NAA16: variants seen among roughly 807,000 people sequenced by gnomAD.
The protein encoded by NAA16 is NARG1-like protein.
NAA16 carries 97 observed loss-of-function variants against 110.3 expected under a neutral mutation model. The ratio of observed to expected loss-of-function variants is 0.88; its 90% CI spans 0.75 to 1.04. NAA16 has a LOEUF of 1.04. Ranked by LOEUF, NAA16 falls within the 50% of genes least tolerant of loss-of-function variation. The pLI, the probability that NAA16 is intolerant of heterozygous loss-of-function variation, is 0.00. For missense variants in NAA16, 1,017 were observed against 1,005.1 expected, an observed-to-expected ratio of 1.01 and a Z score of -0.16; for synonymous variants, 372 against 330.6, an observed-to-expected ratio of 1.13 and a Z score of -1.36.
intron 9 of NAA16, among the ~76,000 whole-genome samples, chr13:41,343,025 G>A (rs1162467335): frequency 6.6e-6 from 1 of 152,144 alleles, no homozygotes; most frequent in Non-Finnish European, 1.5e-5. Flanking sequence ...TAAAAAATGG[G>A]AGGGAAGCCC....
intron 19 of NAA16, 50 bp downstream of exon 19, chr13:41,374,889 A>T: frequency 8.9e-7 from 1 of 1,125,394 alleles, no homozygotes; most frequent in Non-Finnish European, 1.3e-6. Context: ...GATCTAACAA[A>T]ACGTGTCTTT....
At chr13:41,329,080 G>A (rs1425758254) in intron 7 of NAA16, among the ~76,000 whole-genome samples, 1 of 151,682 alleles carries the variant, frequency 6.6e-6, no homozygotes, top group African/African-American at 2.4e-5. Flanking sequence ...TGGAAGGTGA[G>A]GCAAAAATAA....
At chr13:41,311,823 G>T (rs952366392) in intron 1 of NAA16, among the ~76,000 whole-genome samples, 9 of 152,190 alleles carry the variant, frequency 5.9e-5, no homozygotes, top group African/African-American at 2.2e-4. Flanking sequence ...CCCCCGCCGC[G>T]CTCTTTCCAG....
At position 41,318,824 on chromosome 13, in the gene NAA16, G is replaced by C. The variant is rs2041873779; in HGVS notation, c.158G>C (p.Gly53Ala). The change falls in exon 3 of 20, where the codon GGA (glycine) becomes GCA (alanine). Residue 53 changes from glycine to alanine, a missense_variant. Physicochemically the swap from Gly to Ala is moderately conservative, Grantham distance 60. Transcript: ENST00000379406. ...TTTTCAGAGACTTTGGCTATGAAAG[G>C]ATTAACACTGAACTGTTTAGGAAAA... ...AEHGETLAMK[G>A]LTLNCLGKKE... 1 of 1,575,130 alleles carries C rather than the reference G, an allele frequency of 6.3e-7. No individual in the cohort carries two copies. Among genetic ancestry groups the C allele is most frequent in the Admixed American group, 1.9e-5 (1 of 52,152 alleles).
At chr13:41,312,049 G>C (rs2041615090) in intron 1 of NAA16, among the ~76,000 whole-genome samples, 1 of 152,236 alleles carries the variant, frequency 6.6e-6, no homozygotes, top group Non-Finnish European at 1.5e-5. Flanking sequence ...CTATTAAAGC[G>C]GGATCGATGC....
At chr13:41,352,311 C>T (rs559094922) in intron 9 of NAA16, among the ~76,000 whole-genome samples, 15 of 151,584 alleles carry the variant, frequency 9.9e-5, no homozygotes, top group African/African-American at 3.6e-4. Context: ...CACTGCACTC[C>T]AGCTTGGGTG....
intron 9 of NAA16, among the ~76,000 whole-genome samples, chr13:41,351,376 A>C (rs961377931): frequency 5.3e-5 from 8 of 152,194 alleles, no homozygotes; most frequent in African/African-American, 1.7e-4. Flanking sequence ...CCCCTTCAGC[A>C]CCAAAATTAT....
At chr13:41,341,433 A>C (rs2042543408) in intron 9 of NAA16, among the ~76,000 whole-genome samples, 1 of 152,214 alleles carries the variant, frequency 6.6e-6, no homozygotes, top group Non-Finnish European at 1.5e-5. Flanking sequence ...AAAGGGGACA[A>C]CTTGCCAGCC....
At chr13:41,343,926 C>G (rs567162002) in intron 9 of NAA16, among the ~76,000 whole-genome samples, 1 of 152,268 alleles carries the variant, frequency 6.6e-6, no homozygotes, top group South Asian at 2.1e-4. Flanking sequence ...CCTGCCTTGG[C>G]CTCCCAAAGT....
At chr13:41,368,759 A>G (rs974214872) in intron 14 of NAA16, among the ~76,000 whole-genome samples, 6 of 152,242 alleles carry the variant, frequency 3.9e-5, no homozygotes, top group Admixed American at 1.3e-4. Flanking sequence ...AACTATTTAC[A>G]TAGCATTTAC....
At chr13:41,317,584 A>C (rs149293966) in intron 2 of NAA16, among the ~76,000 whole-genome samples, 2 of 152,318 alleles carry the variant, frequency 1.3e-5, no homozygotes, top group East Asian at 3.9e-4. Flanking sequence ...AGATCATCTT[A>C]TTGGGAAAAT....
intron 5 of NAA16, among the ~76,000 whole-genome samples, chr13:41,323,555 T>C (rs61963135): frequency 0.11 from 16,232 of 151,720 alleles, 1,149 homozygotes; most frequent in East Asian, 0.26. Flanking sequence ...GGTTTCACCG[T>C]GTTAGCCAGG....
chr13:41,335,973 T>C (rs1284763822), intron 8 of NAA16, among the ~76,000 whole-genome samples: 1 of 152,134 alleles, frequency 6.6e-6, no homozygotes, highest in Non-Finnish European at 1.5e-5. Flanking sequence ...TTGAATATTC[T>C]CTGCTTTCAA....
At chr13:41,367,725 T>G in intron 14 of NAA16, 73 bp downstream of exon 14, 1 of 934,594 alleles carries the variant, frequency 1.1e-6, no homozygotes, top group Non-Finnish European at 1.6e-6. Context: ...AAACAATACC[T>G]AGAAAAATAT....
At chr13:41,328,884 T>C in intron 7 of NAA16, 41 bp downstream of exon 7, 1 of 1,493,894 alleles carries the variant, frequency 6.7e-7, no homozygotes. Flanking sequence ...AACTACTGAT[T>C]GAAGTATAAT....
At chr13:41,327,734 A>G (rs2042129865) in intron 6 of NAA16, 1 of 134,508 alleles carries the variant, frequency 7.4e-6, no homozygotes, top group East Asian at 1.9e-4. Context: ...GGAATGGGGC[A>G]TGTTTAAAGT....
chr13:41,342,870 A>G (rs2042589624), intron 9 of NAA16, among the ~76,000 whole-genome samples: 1 of 152,302 alleles, frequency 6.6e-6, no homozygotes. Flanking sequence ...GCATTTGTGT[A>G]AGTTTGTAGC....
chr13:41,357,682 C>T (rs1258700902), intron 10 of NAA16, among the ~76,000 whole-genome samples: 2 of 152,150 alleles, frequency 1.3e-5, no homozygotes, highest in African/African-American at 4.8e-5. Flanking sequence ...TTCTGCTCCT[C>T]TGTAGTTAGA....
intron 10 of NAA16, among the ~76,000 whole-genome samples, chr13:41,355,787 A>G (rs566210280): frequency 1.3e-5 from 2 of 152,314 alleles, no homozygotes; most frequent in East Asian, 1.9e-4. Flanking sequence ...GCCTAAGACC[A>G]TGTAGTTAGT....
Sources: gnomAD v4.1 joint callset for allele counts (sites outside exome capture counted in the v4.1 genomes callset) on GRCh38, gnomAD v4.1.1 for gene constraint, MANE v1.5 for transcripts, NCBI Gene and HGNC (gene_info 2026-07-23, HGNC 2026-07-21) for gene names.